CACNA1E: variants seen among roughly 807,000 people sequenced by gnomAD.
The protein encoded by CACNA1E is voltage-dependent R-type calcium channel subunit alpha-1E.
Under a neutral mutation model 259.2 loss-of-function variants are expected in CACNA1E, and 40 were observed. The observed-to-expected ratio is 0.15, with a 90% CI of 0.12 to 0.20. CACNA1E has a LOEUF of 0.20. CACNA1E is among the 10% of genes least tolerant of loss of function. The pLI is 1.00. For synonymous variants in CACNA1E, 1,104 were observed against 1,138.5 expected (o/e 0.97, Z 0.61); for missense variants, 1,874 against 3,040.1 (o/e 0.62, Z 9.02).
At chr1:181,707,895 G>A (rs1652950004) in intron 7 of CACNA1E, among the ~76,000 whole-genome samples, 1 of 152,192 alleles carries the variant, frequency 6.6e-6, no homozygotes. Flanking sequence ...CATAGAAGGA[G>A]AGACATACAG....
rs1454146644 is a variant in CACNA1E at position 181,772,362 on chromosome 1, C to CA, written c.5139+132dup. The CA allele has an allele frequency of 3.7e-6, 3 of 817,500 alleles. No homozygotes were observed. The African/African-American group carries it at 5.1e-5, about 14-fold the overall frequency. The allele number at this position is 817,500 out of a possible 1,614,324, so 50.6% of individuals were successfully genotyped here. A position where few individuals can be genotyped will look rare whatever the true frequency, so the allele number is the denominator to read the frequency against. On this transcript the variant is annotated intron_variant, in intron 37 of 47. Transcript: ENST00000367573. ...CCCTCCCCTCCTCTCTCCACACCCC[C>CA]ACCATGCACACACTCACACTCACGT...
intron 1 of CACNA1E, among the ~76,000 whole-genome samples, chr1:181,360,573 G>C (rs1309847581): frequency 1.3e-5 from 2 of 152,280 alleles, no homozygotes; most frequent in African/African-American, 4.8e-5. Flanking sequence ...TAGGGGTGGG[G>C]GAGAATTGGG....
intron 1 of CACNA1E, among the ~76,000 whole-genome samples, chr1:181,396,518 A>G (rs111488614): frequency 1.4e-3 from 217 of 152,352 alleles, no homozygotes; most frequent in Admixed American, 4.2e-3. Context: ...AGTGAATAGA[A>G]ATGACTCTTT....
intron 2 of CACNA1E, among the ~76,000 whole-genome samples, chr1:181,427,150 A>G (rs1659341935): frequency 6.6e-6 from 1 of 150,828 alleles, no homozygotes; most frequent in Non-Finnish European, 1.5e-5. Context: ...ACCCTTCAAC[A>G]TCTCAACCAC....
intron 1 of CACNA1E, among the ~76,000 whole-genome samples, chr1:181,392,948 G>A (rs1656399817): frequency 6.6e-6 from 1 of 152,214 alleles, no homozygotes; most frequent in Admixed American, 6.5e-5. Flanking sequence ...GGAAAATGTA[G>A]GGCTGGTTCT....
At chr1:181,430,287 C>T (rs187896383) in intron 2 of CACNA1E, among the ~76,000 whole-genome samples, 123 of 152,242 alleles carry the variant, frequency 8.1e-4, no homozygotes, top group East Asian at 3.1e-3. Flanking sequence ...GAGGTTAGAA[C>T]GAAAGTTTAA....
chr1:181,805,798 A>G lies in CACNA1E; in HGVS notation c.*6964A>G, dbSNP rs1445213385. The G allele has an allele frequency of 6.6e-6, 1 of 152,248 alleles. No homozygotes were observed. Among genetic ancestry groups the G allele is most frequent in the Non-Finnish European group, 1.5e-5 (1 of 68,042 alleles). 9.4% of individuals were successfully genotyped at this position (152,248 alleles called of 1,614,324 possible). A position where few individuals can be genotyped will look rare whatever the true frequency, so the allele number is the denominator to read the frequency against. On this transcript the variant is annotated 3_prime_UTR_variant, in exon 48 of 48. Transcript: ENST00000367573. ...ATTCATCCAGAAAAACAAATGGAGGAGAAAAGCCTAATGCACCACATGTGT... is the reference window on the plus strand; with the variant it reads ...ATTCATCCAGAAAAACAAATGGAGGGGAAAAGCCTAATGCACCACATGTGT...
intron 34 of CACNA1E, among the ~76,000 whole-genome samples, chr1:181,764,018 A>C (rs1199296700): frequency 6.6e-6 from 1 of 152,200 alleles, no homozygotes; most frequent in East Asian, 1.9e-4. Context: ...CTTTGTCTTC[A>C]TCAGTGTTTA....
intron 3 of CACNA1E, among the ~76,000 whole-genome samples, chr1:181,552,646 ATATT>A (rs1191441869): frequency 6.6e-6 from 1 of 152,076 alleles, no homozygotes; most frequent in Non-Finnish European, 1.5e-5. Context: ...AAATCATTAT[ATATT>A]TATTATTTTA....
At chr1:181,747,695 AAC>A (rs1272644930) in intron 25 of CACNA1E, among the ~76,000 whole-genome samples, 1 of 152,232 alleles carries the variant, frequency 6.6e-6, no homozygotes, top group African/African-American at 2.4e-5. Flanking sequence ...AGTGTTATCA[AAC>A]AGTTACATTT....
rs1662723934 is a variant in CACNA1E, at chr1:181,807,666, A to G, written c.*8832A>G. Reference sequence around the variant, plus strand: ...TCCAAAATAAGTCCCCTAAGTTTGTAGTTTGAGCCAAGATATTTTCTTGAG... The same window carrying G: ...TCCAAAATAAGTCCCCTAAGTTTGTGGTTTGAGCCAAGATATTTTCTTGAG... On this transcript the variant is annotated 3_prime_UTR_variant, in exon 48 of 48. Coordinates refer to ENST00000367573, the MANE Select transcript of CACNA1E (RefSeq NM_001205293.3). 3.3e-5 allele frequency: 5 copies of G among 152,092 alleles called. No homozygotes were observed. The South Asian group carries it at 1.0e-3, about 32-fold the overall frequency. The allele number at this position is 152,092 out of a possible 1,614,324, so 9.4% of individuals were successfully genotyped here. A position where few individuals can be genotyped will look rare whatever the true frequency, so the allele number is the denominator to read the frequency against.
intron 3 of CACNA1E, among the ~76,000 whole-genome samples, chr1:181,572,012 C>A (rs1234225811): frequency 6.6e-6 from 1 of 152,164 alleles, no homozygotes; most frequent in African/African-American, 2.4e-5. Flanking sequence ...ATATTCCATG[C>A]ATTGTACAAA....
intron 3 of CACNA1E, among the ~76,000 whole-genome samples, chr1:181,540,517 TG>T (rs1668499074): frequency 6.6e-6 from 1 of 152,206 alleles, no homozygotes; most frequent in South Asian, 2.1e-4. Flanking sequence ...TATGTCACCT[TG>T]GCGTACTCAA....
intron 2 of CACNA1E, among the ~76,000 whole-genome samples, chr1:181,424,329 A>G (rs1481682421): frequency 2.0e-5 from 3 of 152,210 alleles, no homozygotes; most frequent in South Asian, 2.1e-4. Flanking sequence ...CCTTTGGGGA[A>G]CTTCAGCACA....
At chr1:181,478,552 G>T (rs1049552169), upstream of CACNA1E, among the ~76,000 whole-genome samples, 4 of 152,194 alleles carry the variant, frequency 2.6e-5, no homozygotes, top group Non-Finnish European at 4.4e-5. Context: ...TTGCATAAGA[G>T]TCTATTTCTT....
intron 7 of CACNA1E, among the ~76,000 whole-genome samples, chr1:181,680,101 G>A (rs1478364448): frequency 4.8e-5 from 4 of 82,766 alleles, no homozygotes; most frequent in Non-Finnish European, 8.6e-5. Context: ...GTGAGACCTT[G>A]TCTCAAAAAA....
intron 15 of CACNA1E, among the ~76,000 whole-genome samples, chr1:181,721,313 A>G (rs1654390894): frequency 6.6e-6 from 1 of 152,224 alleles, no homozygotes; most frequent in South Asian, 2.1e-4. Context: ...CCTAAAGAAA[A>G]ATACTGTTTG....
Position 181,453,991 on chromosome 1 carries a change from C to A in CACNA1E, c.435-29753C>A, listed in dbSNP as rs73050041. 2.6e-3 allele frequency among the ~76,000 whole-genome samples: 394 copies of A among 152,318 alleles called. 3 individuals carry two copies. The highest frequency in any genetic ancestry group is 9.1e-3 in the African/African-American group (380 of 41,554). On this transcript the variant is annotated intron_variant, in intron 2 of 11. Coordinates refer to the CACNA1E transcript ENST00000524607. ...TCACTTTACTGTGTTGGTTGCTTAA[C>A]TTCTCTTGCCTCAGGGTTCTCACAG...
intron 2 of CACNA1E, among the ~76,000 whole-genome samples, chr1:181,445,406 C>T (rs1440940529): frequency 6.6e-6 from 1 of 152,234 alleles, no homozygotes; most frequent in Non-Finnish European, 1.5e-5. Flanking sequence ...AACATGAACA[C>T]ACCAGATGAC....
Sources: allele counts gnomAD v4.1 joint callset (sites outside exome capture counted in the v4.1 genomes callset), GRCh38; gene constraint gnomAD v4.1.1; transcripts MANE v1.5; gene names NCBI Gene and HGNC (gene_info 2026-07-23, HGNC 2026-07-21).